Variants in EPM2A observed in about 807,000 individuals in gnomAD.
EPM2A encodes laforin.
A neutral mutation model predicts 26.5 loss-of-function variants in EPM2A; 21 were observed. That is an observed-to-expected ratio of 0.79 (90% CI 0.56 to 1.14). The LOEUF is 1.14. Ranked by LOEUF, EPM2A falls within the 50% of genes most tolerant of loss-of-function variation. The probability of loss-of-function intolerance (pLI) is 0.00; values close to 1 mark genes in which losing one functional copy is unlikely to be tolerated. For synonymous variants in EPM2A, 217 were observed against 177.6 expected, an observed-to-expected ratio of 1.22 and a Z score of -1.76; for missense variants, 458 against 440.8, an observed-to-expected ratio of 1.04 and a Z score of -0.35.
intron 1 of EPM2A, chr6:145,705,691 G>A (rs1782183995): frequency 2.5e-6 from 1 of 405,426 alleles, no homozygotes. Context: ...ATTTGAAATA[G>A]CAACAATTTC....
chr6:145,466,280 T>A (rs1291883254), intron 4 of EPM2A, among the ~76,000 whole-genome samples: 2 of 150,224 alleles, frequency 1.3e-5, no homozygotes, highest in South Asian at 2.1e-4. Context: ...TACAATGAAC[T>A]CAAACAAATT....
At chr6:145,387,012 G>T (rs1414570935) in intron 4 of EPM2A, among the ~76,000 whole-genome samples, 1 of 152,236 alleles carries the variant, frequency 6.6e-6, no homozygotes, top group South Asian at 2.1e-4. Flanking sequence ...CAATGGAAAA[G>T]TCATCAGATA....
chr6:145,482,819 CTT>C (rs1322176844), intron 4 of EPM2A, among the ~76,000 whole-genome samples: 2 of 151,158 alleles, frequency 1.3e-5, no homozygotes, highest in Non-Finnish European at 2.9e-5. Flanking sequence ...CAGCCATACT[CTT>C]TGTTTCATTG....
At chr6:145,581,129 T>C (rs1029909142) in intron 2 of EPM2A, among the ~76,000 whole-genome samples, 2 of 152,210 alleles carry the variant, frequency 1.3e-5, no homozygotes, top group African/African-American at 4.8e-5. Context: ...TTGCAGTGTA[T>C]AGGTGTTGCC....
In EPM2A at chr6:145,473,032, G is replaced by A. The variant is rs1779496148; in HGVS notation, c.555+29490C>T. 2.6e-5 allele frequency among the ~76,000 whole-genome samples: 4 copies of A among 151,910 alleles called. No individual in the cohort carries two copies. The South Asian group carries it at 8.3e-4, about 31-fold the overall frequency. ...GCATCAACACTATCCAGGAAAACATGACCCTACCAAATGAATGAACCAAAT... is the reference window on the plus strand; with the variant it reads ...GCATCAACACTATCCAGGAAAACATAACCCTACCAAATGAATGAACCAAAT... On this transcript the variant is annotated intron_variant, in intron 4 of 4. Coordinates refer to the EPM2A transcript ENST00000638717.
chr6:145,455,602 C>T (rs967104906), intron 4 of EPM2A, among the ~76,000 whole-genome samples: 3 of 152,166 alleles, frequency 2.0e-5, no homozygotes, highest in African/African-American at 4.8e-5. Flanking sequence ...AGGTGATCCA[C>T]CCGCCTCGGC....
intron 4 of EPM2A, among the ~76,000 whole-genome samples, chr6:145,402,952 AGCT>A (rs1298779717): frequency 6.6e-6 from 1 of 152,156 alleles, no homozygotes; most frequent in Non-Finnish European, 1.5e-5. Context: ...TACTCTCTTG[AGCT>A]GTCACTTCAA....
chr6:145,494,001 A>G (rs1779787643), intron 4 of EPM2A, among the ~76,000 whole-genome samples: 1 of 152,218 alleles, frequency 6.6e-6, no homozygotes, highest in South Asian at 2.1e-4. Context: ...GCCTCATAGA[A>G]TAAGTTAGGG....
intron 4 of EPM2A, among the ~76,000 whole-genome samples, chr6:145,412,281 A>ACATAG (rs2114676091): frequency 6.6e-6 from 1 of 152,198 alleles, no homozygotes; most frequent in Non-Finnish European, 1.5e-5. Flanking sequence ...TTTAGATTAC[A>ACATAG]CATAGAATAA....
At chr6:145,479,652 A>G (rs1310122863) in intron 4 of EPM2A, among the ~76,000 whole-genome samples, 1 of 151,948 alleles carries the variant, frequency 6.6e-6, no homozygotes, top group Non-Finnish European at 1.5e-5. Flanking sequence ...TTACCTTTTC[A>G]TAAGTTGATA....
intron 4 of EPM2A, among the ~76,000 whole-genome samples, chr6:145,430,144 A>G (rs1370587355): frequency 6.6e-6 from 1 of 152,090 alleles, no homozygotes; most frequent in East Asian, 1.9e-4. Flanking sequence ...ATGAGCCGAG[A>G]TGGCACCATT....
intron 4 of EPM2A, among the ~76,000 whole-genome samples, chr6:145,434,030 A>T (rs936748470): frequency 6.6e-6 from 1 of 152,006 alleles, no homozygotes; most frequent in African/African-American, 2.4e-5. Context: ...TTTTAAAAAA[A>T]ATCTTTATTT....
At chr6:145,718,297 G>A (rs6935783) in intron 1 of EPM2A, among the ~76,000 whole-genome samples, 2 of 137,674 alleles carry the variant, frequency 1.5e-5, no homozygotes, top group Non-Finnish European at 3.1e-5. Flanking sequence ...CAGAACAGAG[G>A]CCTCAGAAAT....
At position 145,392,157 on chromosome 6, in the gene EPM2A, T is replaced by C. The variant is rs117192285; in HGVS notation, c.556-8060A>G. On this transcript the variant is annotated intron_variant, in intron 4 of 4. Transcript: ENST00000638717. ...TTTGTTGGTCACAATGGGGGAACTT[T>C]TGACATGCTTAAATTAGTTTGTTTA... Among the ~76,000 whole-genome samples, 6 of 152,300 alleles carry C rather than the reference T, an allele frequency of 3.9e-5. No homozygotes were observed. In the East Asian group the frequency reaches 9.6e-4, roughly 24 times the overall value.
At chr6:145,419,102 G>A (rs781323152) in intron 4 of EPM2A, among the ~76,000 whole-genome samples, 9 of 151,844 alleles carry the variant, frequency 5.9e-5, no homozygotes, top group Non-Finnish European at 1.0e-4. Context: ...ATTCTCAACA[G>A]GAAGAGGCAC....
chr6:145,549,117 A>AT (rs1287577347), intron 2 of EPM2A, among the ~76,000 whole-genome samples: 5 of 152,230 alleles, frequency 3.3e-5, no homozygotes, highest in Middle Eastern at 3.4e-3. Context: ...CAAAGATAAC[A>AT]TAAAAACCCT....
At chr6:145,399,178 A>G (rs903123069) in intron 4 of EPM2A, among the ~76,000 whole-genome samples, 1 of 152,158 alleles carries the variant, frequency 6.6e-6, no homozygotes, top group Non-Finnish European at 1.5e-5. Flanking sequence ...AGTTTGCGAG[A>G]GAGGTGACTC....
Position 145,412,897 on chromosome 6 carries a change from A to G in EPM2A, c.556-28800T>C, listed in dbSNP as rs568596141. Among the ~76,000 whole-genome samples, 8 of 152,268 alleles carry G rather than the reference A, an allele frequency of 5.3e-5. No homozygotes were observed. In the South Asian group the frequency reaches 1.7e-3, roughly 32 times the overall value. ...TAAGGCAACAGAATGAGGGGAAGGC[A>G]TCTGGGGTTCTCTGCTGGTTGGTTT... is the stretch of plus-strand genomic sequence containing the variant. On this transcript the variant is annotated intron_variant, in intron 4 of 4. Coordinates refer to the EPM2A transcript ENST00000638717.
chr6:145,509,438 C>T (rs1024855372), intron 2 of EPM2A, among the ~76,000 whole-genome samples: 1 of 152,126 alleles, frequency 6.6e-6, no homozygotes. Context: ...CCATTTTTAG[C>T]ATTTTTAAAG....
Sources: allele counts gnomAD v4.1 joint callset (sites outside exome capture counted in the v4.1 genomes callset), GRCh38; gene constraint gnomAD v4.1.1; transcripts MANE v1.5; gene names NCBI Gene and HGNC (gene_info 2026-07-23, HGNC 2026-07-21).